Variants in RAB11FIP4 observed in about 807,000 individuals in gnomAD.
The protein encoded by RAB11FIP4 is rab11 family-interacting protein 4.
In RAB11FIP4, 23 loss-of-function variants were observed where a neutral mutation model predicts 74.3. The observed-to-expected ratio is 0.31, with a 90% CI of 0.22 to 0.44. The LOEUF (loss-of-function observed/expected upper bound fraction) is 0.44. Among genes scored for constraint, RAB11FIP4 ranks in the 20% least tolerant of loss-of-function variants. RAB11FIP4 has a pLI of 1.00. For synonymous variants in RAB11FIP4, 360 were observed against 359.9 expected (o/e 1.00, Z 0.00); for missense variants, 630 against 863.9 (o/e 0.73, Z 3.39).
chr17:31,491,660 A>G (rs2072011396), intron 3 of RAB11FIP4, among the ~76,000 whole-genome samples: 1 of 152,228 alleles, frequency 6.6e-6, no homozygotes, highest in African/African-American at 2.4e-5. Context: ...CTGGGGGGAC[A>G]GGGGACAAGC....
At chr17:31,445,871 G>A (rs932220049) in intron 3 of RAB11FIP4, among the ~76,000 whole-genome samples, 1 of 151,718 alleles carries the variant, frequency 6.6e-6, no homozygotes, top group Non-Finnish European at 1.5e-5. Flanking sequence ...TTACAGGTGT[G>A]AGCCACCGCA....
At chr17:31,503,718 G>A (rs1057128410) in intron 3 of RAB11FIP4, among the ~76,000 whole-genome samples, 1 of 149,770 alleles carries the variant, frequency 6.7e-6, no homozygotes, top group East Asian at 1.9e-4. Flanking sequence ...ACTGCTCGTC[G>A]TTCTGTTCTC....
intron 3 of RAB11FIP4, among the ~76,000 whole-genome samples, chr17:31,447,814 C>T (rs537165746): frequency 1.8e-4 from 27 of 152,242 alleles, no homozygotes; most frequent in African/African-American, 5.1e-4. Flanking sequence ...CAAGCCACCG[C>T]GCCCAACTGC....
chr17:31,523,306 CG>C lies in RAB11FIP4; in HGVS notation c.930-201del, dbSNP rs796160405. The C allele has an allele frequency of 2.0e-4, 121 of 595,114 alleles. 1 individual carries two copies. The highest frequency in any genetic ancestry group is 1.8e-3 in the African/African-American group (99 of 54,160). 36.9% of individuals were successfully genotyped at this position (595,114 alleles called of 1,614,324 possible). On this transcript the variant is annotated intron_variant, in intron 7 of 14. Transcript: ENST00000621161. ...ATTGGCTGTGTCTGCCAGGGGACCC[CG>C]GGGGTCTGTACAGCCCATTTGCCAT...
chr17:31,392,988 C>T (rs997919858), intron 1 of RAB11FIP4, among the ~76,000 whole-genome samples: 4 of 152,004 alleles, frequency 2.6e-5, no homozygotes, highest in African/African-American at 7.3e-5. Context: ...GTTCCCAGAA[C>T]AGGTCGGACC....
At chr17:31,466,042 G>A (rs991229499) in intron 3 of RAB11FIP4, among the ~76,000 whole-genome samples, 3 of 151,926 alleles carry the variant, frequency 2.0e-5, no homozygotes, top group African/African-American at 7.3e-5. Context: ...TACTCGGGAG[G>A]GCGAGACAGG....
At chr17:31,427,259 C>T (rs1189273445) in intron 1 of RAB11FIP4, among the ~76,000 whole-genome samples, 1 of 152,242 alleles carries the variant, frequency 6.6e-6, no homozygotes, top group African/African-American at 2.4e-5. Flanking sequence ...CTGCGCCCGG[C>T]TGGCCTGGCA....
intron 3 of RAB11FIP4, among the ~76,000 whole-genome samples, chr17:31,457,036 G>T (rs899424841): frequency 9.2e-5 from 14 of 152,196 alleles, no homozygotes; most frequent in Non-Finnish European, 2.1e-4. Context: ...GGTCCTGGGG[G>T]CCTGTCTTAA....
At chr17:31,516,679 AG>A (rs1160029757) in intron 3 of RAB11FIP4, among the ~76,000 whole-genome samples, 2 of 152,204 alleles carry the variant, frequency 1.3e-5, no homozygotes, top group Non-Finnish European at 2.9e-5. Flanking sequence ...CGTATTAGCC[AG>A]GGTGATCTTG....
chr17:31,531,237 G>A (rs1555551392), intron 14 of RAB11FIP4: 1 of 189,956 alleles, frequency 5.3e-6, no homozygotes, highest in Non-Finnish European at 1.1e-5. Flanking sequence ...GGTGGGGAGA[G>A]GTGTTCCAGG....
At chr17:31,427,412 G>A (rs964517702) in intron 1 of RAB11FIP4, among the ~76,000 whole-genome samples, 5 of 152,174 alleles carry the variant, frequency 3.3e-5, no homozygotes, top group African/African-American at 1.2e-4. Flanking sequence ...GTGGCCCTCA[G>A]TACCCCATCT....
In RAB11FIP4 at chr17:31,537,437, C is replaced by T. The variant is rs72817718; in HGVS notation, c.*5705C>T. The T allele has an allele frequency of 2.6e-6, 1 of 385,804 alleles. No homozygotes were observed. Among genetic ancestry groups the T allele is most frequent in the Non-Finnish European group, 4.6e-6 (1 of 218,082 alleles). The allele number at this position is 385,804 out of a possible 1,614,324, so 23.9% of individuals were successfully genotyped here. A position where few individuals can be genotyped will look rare whatever the true frequency, so the allele number is the denominator to read the frequency against. ...CTCCAGCCTGCAGCTAATTTAGGAG[C>T]CTTGCATTCCAGAAAAGGGCAACTT... On this transcript the variant is annotated 3_prime_UTR_variant, in exon 15 of 15. Transcript: ENST00000621161.
At chr17:31,503,517 T>C (rs1470192348) in intron 3 of RAB11FIP4, among the ~76,000 whole-genome samples, 2 of 149,076 alleles carry the variant, frequency 1.3e-5, no homozygotes, top group East Asian at 1.9e-4. Context: ...CCTGGCAGAG[T>C]AGAGGGGAGG....
intron 1 of RAB11FIP4, among the ~76,000 whole-genome samples, chr17:31,396,183 C>CAAAAAAAAA (rs55991343): frequency 1.1e-4 from 13 of 122,576 alleles, no homozygotes; most frequent in African/African-American, 3.6e-4. Context: ...GACCCTGCCA[C>CAAAAAAAAA]AAAAAAAAAA....
intron 3 of RAB11FIP4, among the ~76,000 whole-genome samples, chr17:31,434,638 A>G (rs921756193): frequency 6.6e-6 from 1 of 152,178 alleles, no homozygotes; most frequent in African/African-American, 2.4e-5. Context: ...TTCTTCCTGG[A>G]TAACTGCAAA....
intron 1 of RAB11FIP4, among the ~76,000 whole-genome samples, chr17:31,417,557 G>A (rs2071160068): frequency 6.6e-6 from 1 of 152,170 alleles, no homozygotes; most frequent in Non-Finnish European, 1.5e-5. Flanking sequence ...TATAGACGAT[G>A]TCAGGTGCCC....
chr17:31,415,087 C>G (rs2071134523), intron 1 of RAB11FIP4, among the ~76,000 whole-genome samples: 1 of 152,220 alleles, frequency 6.6e-6, no homozygotes, highest in Non-Finnish European at 1.5e-5. Flanking sequence ...CTCCCAGAGC[C>G]CCCTGCAGAT....
At chr17:31,514,270 T>A (rs1166085018) in intron 3 of RAB11FIP4, among the ~76,000 whole-genome samples, 1 of 152,214 alleles carries the variant, frequency 6.6e-6, no homozygotes. Context: ...CTGCATGTCA[T>A]GAGCCAGGTG....
chr17:31,537,650 T>G lies in RAB11FIP4; in HGVS notation c.*5918T>G, dbSNP rs2142846913. ...CTGGTGCACGGCCACAGGCCTGCCT[T>G]GAGGCCACCACATCTGGTGTCTAGA... On this transcript the variant is annotated 3_prime_UTR_variant, in exon 15 of 15. Coordinates refer to ENST00000621161, the MANE Select transcript of RAB11FIP4 (RefSeq NM_032932.6). The G allele has an allele frequency of 6.4e-6, 1 of 156,148 alleles. No homozygotes were observed. The highest frequency in any genetic ancestry group is 1.9e-4 in the East Asian group (1 of 5,354). The allele number at this position is 156,148 out of a possible 1,614,324, so 9.7% of individuals were successfully genotyped here.
Sources: gnomAD v4.1 joint callset for allele counts (sites outside exome capture counted in the v4.1 genomes callset) on GRCh38, gnomAD v4.1.1 for gene constraint, MANE v1.5 for transcripts, NCBI Gene and HGNC (gene_info 2026-07-23, HGNC 2026-07-21) for gene names.